Variants in GALC observed in about 807,000 individuals in gnomAD.
GALC encodes the protein galactocerebrosidase.
GALC carries 77 observed loss-of-function variants against 91.8 expected under a neutral mutation model. The ratio of observed to expected loss-of-function variants is 0.84; its 90% confidence interval spans 0.70 to 1.01. GALC has a LOEUF of 1.01. Among genes scored for constraint, GALC ranks in the 50% least tolerant of loss-of-function variants. The pLI is 0.00. For missense variants in GALC, 882 were observed against 855.9 expected, an observed-to-expected ratio of 1.03 and a Z score of -0.38; for synonymous variants, 357 against 306.7, an observed-to-expected ratio of 1.16 and a Z score of -1.71.
chr14:87,978,655 A>G (rs949783108), intron 6 of GALC, among the ~76,000 whole-genome samples: 7 of 152,310 alleles, frequency 4.6e-5, no homozygotes, highest in Admixed American at 2.6e-4. Context: ...AGCTCTATTT[A>G]TAAGACAAAT....
At position 87,968,631 on chromosome 14, in the gene GALC, TA is replaced by T. The variant is rs535094252; in HGVS notation, c.753-142del. ...AACAGTTGGGTAGCTTCCAGGTAGA[TA>T]ATGAATCTAAGCATCTGCTTTATGC... On this transcript the variant is annotated intron_variant, in intron 7 of 16. Coordinates refer to ENST00000261304, the MANE Select transcript of GALC (RefSeq NM_000153.4). 2.4e-4 allele frequency: 190 copies of T among 795,228 alleles called. No homozygotes were observed. In the South Asian group the frequency reaches 2.9e-3, roughly 12 times the overall value. The allele number at this position is 795,228 out of a possible 1,614,324, so 49.3% of individuals were successfully genotyped here.
At chr14:87,944,589 G>C (rs1884989671) in intron 14 of GALC, among the ~76,000 whole-genome samples, 1 of 152,016 alleles carries the variant, frequency 6.6e-6, no homozygotes, top group Non-Finnish European at 1.5e-5. Flanking sequence ...AATTAGGAAG[G>C]AATTCTTCAC....
At chr14:87,950,782 G>GT in intron 10 of GALC, 34 bp from the exon 11 acceptor site, 1 of 1,424,914 alleles carries the variant, frequency 7.0e-7, no homozygotes, top group Non-Finnish European at 9.9e-7. Flanking sequence ...TTATCCAAAT[G>GT]ATGTATAAGC....
Position 87,993,033 on chromosome 14 carries a change from C to T in GALC, c.132G>A (p.Val44=). 6.4e-7 allele frequency: 1 copy of T among 1,554,142 alleles called. No individual in the cohort carries two copies. The highest frequency in any genetic ancestry group is 8.7e-7 in the Non-Finnish European group (1 of 1,153,608). The change falls in exon 1 of 17, where the codon GTG becomes GTA. Residue 44 remains valine, a synonymous_variant. Transcript: ENST00000261304. ...CALLAPGGAY[V]LDDSDGLGRE... is the part of the protein sequence containing the mutation. Reference sequence around the variant, plus strand: ...GGCCCAGCCCGTCGGAGTCGTCGAGCACGTACGCGCCGCCGGGCGCCAGCA... The same window carrying T: ...GGCCCAGCCCGTCGGAGTCGTCGAGTACGTACGCGCCGCCGGGCGCCAGCA...
chr14:87,993,402 G>C (rs1346853819), upstream of GALC: 5 of 1,535,722 alleles, frequency 3.3e-6, no homozygotes, highest in Admixed American at 7.8e-5. Flanking sequence ...CTCTTCCGGC[G>C]TCACCTGGTG....
intron 14 of GALC, among the ~76,000 whole-genome samples, chr14:87,944,674 T>C (rs1362491675): frequency 6.6e-6 from 1 of 152,044 alleles, no homozygotes; most frequent in Non-Finnish European, 1.5e-5. Context: ...TTAAGACTTA[T>C]GTCAGAGCTT....
intron 12 of GALC, among the ~76,000 whole-genome samples, chr14:87,948,490 C>T (rs58661806): frequency 0.017 from 2,552 of 152,080 alleles, 73 homozygotes; most frequent in African/African-American, 0.058. Flanking sequence ...CCAGATAATG[C>T]TTTTAAAGTG....
At chr14:87,942,950 T>C (rs751291647) in intron 14 of GALC, among the ~76,000 whole-genome samples, 3 of 152,024 alleles carry the variant, frequency 2.0e-5, no homozygotes, top group Non-Finnish European at 2.9e-5. Context: ...TTACATCCCT[T>C]ACCTCCTTTC....
At chr14:87,988,059 A>G in intron 3 of GALC, 85 bp downstream of exon 3, 1 of 1,017,672 alleles carries the variant, frequency 9.8e-7, no homozygotes, top group Non-Finnish European at 1.6e-6. Flanking sequence ...GGTATTGTTT[A>G]CACATATTCT....
At chr14:87,972,241 C>A (rs532932097) in intron 7 of GALC, among the ~76,000 whole-genome samples, 15 of 152,132 alleles carry the variant, frequency 9.9e-5, no homozygotes, top group Non-Finnish European at 2.1e-4. Flanking sequence ...TAACAACATG[C>A]ATTAATCTCA....
Position 87,934,696 on chromosome 14 carries a change from G to C in GALC, c.*36C>G. ...TGAACCAAAACCAAAAAGAAGGGAA[G>C]AAAATCCAGAGTATTCTATGATGCC... On this transcript the variant is annotated 3_prime_UTR_variant, in exon 17 of 17. Coordinates refer to ENST00000261304, the MANE Select transcript of GALC (RefSeq NM_000153.4). 1 of 1,612,402 alleles carries C rather than the reference G, an allele frequency of 6.2e-7. No homozygotes were observed. Among genetic ancestry groups the C allele is most frequent in the Non-Finnish European group, 8.5e-7 (1 of 1,179,046 alleles).
chr14:87,943,663 C>T (rs1425589199), intron 14 of GALC, among the ~76,000 whole-genome samples: 2 of 151,938 alleles, frequency 1.3e-5, no homozygotes, highest in Admixed American at 6.6e-5. Context: ...AAGGTGGGGA[C>T]GATGATATCT....
intron 7 of GALC, among the ~76,000 whole-genome samples, chr14:87,971,785 T>C (rs991497653): frequency 6.6e-6 from 1 of 152,204 alleles, no homozygotes; most frequent in African/African-American, 2.4e-5. Flanking sequence ...TAGTGGCTAC[T>C]GTATTGAACA....
chr14:87,977,586 GATGA>G (rs1411714922), intron 6 of GALC, among the ~76,000 whole-genome samples: 1 of 152,224 alleles, frequency 6.6e-6, no homozygotes, highest in East Asian at 1.9e-4. Flanking sequence ...AGCAGTTCTT[GATGA>G]ATGGATACAA....
Position 87,984,509 on chromosome 14 carries a change from C to T in GALC, c.467G>A (p.Trp156Ter). The part of the protein sequence containing the change: ...LIGLPWSFPG[W>*]LGKGFDWPYV... ...AGGCCAGTCGAAACCTTTTCCCAGC[C>T]ATCCAGGGAATGACCATGGCAACCC... Residue 156 changes from tryptophan (W) to a stop codon, truncating the protein, a stop_gained, in exon 5 of 17, where the codon TGG (tryptophan) becomes TAG (stop). Coordinates refer to ENST00000261304, the MANE Select transcript of GALC (RefSeq NM_000153.4). LOFTEE classifies it high-confidence loss of function. 6.2e-7 allele frequency: 1 copy of T among 1,614,106 alleles called. No individual in the cohort carries two copies. The highest frequency in any genetic ancestry group is 8.5e-7 in the Non-Finnish European group (1 of 1,180,012).
intron 1 of GALC, among the ~76,000 whole-genome samples, chr14:87,989,956 G>A (rs918811211): frequency 3.9e-5 from 6 of 152,016 alleles, no homozygotes; most frequent in South Asian, 2.1e-4. Context: ...ATCAAACAAC[G>A]TTTTCTATTC....
intron 10 of GALC, among the ~76,000 whole-genome samples, chr14:87,962,267 G>T (rs1885836293): frequency 6.6e-6 from 1 of 152,094 alleles, no homozygotes; most frequent in African/African-American, 2.4e-5. Flanking sequence ...CTTGGGAGTG[G>T]TTCTAGGTCT....
At chr14:87,993,237 C>T (rs1887315658), upstream of GALC, 24 of 1,544,776 alleles carry the variant, frequency 1.6e-5, 1 homozygote, top group South Asian at 2.7e-4. Context: ...GGGCAGGAGG[C>T]CGCTGATGCT....
intron 14 of GALC, among the ~76,000 whole-genome samples, chr14:87,945,106 T>A (rs1391429147): frequency 1.6e-5 from 2 of 121,738 alleles, no homozygotes; most frequent in African/African-American, 3.0e-5. Context: ...CTTTTTACTA[T>A]TGCCATCTAC....
Sources: allele counts gnomAD v4.1 joint callset (sites outside exome capture counted in the v4.1 genomes callset), GRCh38; gene constraint gnomAD v4.1.1; transcripts MANE v1.5; gene names NCBI Gene and HGNC (gene_info 2026-07-23, HGNC 2026-07-21).